KIAA1217: variants seen among roughly 807,000 people sequenced by gnomAD.
KIAA1217 encodes sickle tail protein homolog.
A neutral mutation model predicts 163.9 loss-of-function variants in KIAA1217; 88 were observed. That is an observed-to-expected ratio of 0.54 (90% CI 0.45 to 0.64). The LOEUF (loss-of-function observed/expected upper bound fraction) is 0.64. KIAA1217 is among the 30% of genes least tolerant of loss of function. The pLI, the probability that KIAA1217 is intolerant of heterozygous loss-of-function variation, is 0.00. For synonymous variants in KIAA1217, 903 were observed against 923.1 expected (o/e 0.98, Z 0.39); for missense variants, 2,372 against 2,475.0 (o/e 0.96, Z 0.88).
intron 1 of KIAA1217, among the ~76,000 whole-genome samples, chr10:23,883,382 A>G (rs762109632): frequency 1.3e-5 from 2 of 151,968 alleles, no homozygotes; most frequent in African/African-American, 2.4e-5. Flanking sequence ...CTTGCTTAAA[A>G]AAAGGAAATG....
At chr10:23,956,309 A>G (rs1844554814) in intron 1 of KIAA1217, among the ~76,000 whole-genome samples, 1 of 152,202 alleles carries the variant, frequency 6.6e-6, no homozygotes, top group Non-Finnish European at 1.5e-5. Flanking sequence ...CAGTACACAC[A>G]CATTCACACA....
At chr10:23,999,697 G>A (rs1438573523) in intron 1 of KIAA1217, among the ~76,000 whole-genome samples, 5 of 152,112 alleles carry the variant, frequency 3.3e-5, no homozygotes, top group South Asian at 2.1e-4. Context: ...GGACTCTCCC[G>A]CAATATTCAG....
chr10:23,970,159 T>C (rs1845254821), intron 1 of KIAA1217, among the ~76,000 whole-genome samples: 1 of 152,124 alleles, frequency 6.6e-6, no homozygotes, highest in Admixed American at 6.6e-5. Flanking sequence ...ATTAATTGAT[T>C]TTTTTCTTTT....
chr10:24,052,741 T>C (rs541354183), intron 2 of KIAA1217, among the ~76,000 whole-genome samples: 60 of 152,286 alleles, frequency 3.9e-4, no homozygotes, highest in African/African-American at 1.3e-3. Flanking sequence ...ACCTTTTTAT[T>C]TGGGGCTATG....
intron 2 of KIAA1217, among the ~76,000 whole-genome samples, chr10:24,229,977 AC>A (rs1240392930): frequency 6.6e-6 from 1 of 152,114 alleles, no homozygotes; most frequent in Non-Finnish European, 1.5e-5. Context: ...TTCCTCAAAA[AC>A]GTATAGAAAT....
chr10:24,247,002 G>A (rs1036944793), intron 2 of KIAA1217, among the ~76,000 whole-genome samples: 1 of 147,280 alleles, frequency 6.8e-6, no homozygotes, highest in Non-Finnish European at 1.5e-5. Context: ...GACAGAGCAA[G>A]GCTCTGTCTC....
chr10:24,043,563 C>T (rs1303426937), intron 2 of KIAA1217, among the ~76,000 whole-genome samples: 6 of 152,066 alleles, frequency 3.9e-5, no homozygotes, highest in Non-Finnish European at 8.8e-5. Flanking sequence ...GACCAAAATG[C>T]TTCATAAAAG....
intron 3 of KIAA1217, among the ~76,000 whole-genome samples, chr10:24,386,160 G>A (rs757875778): frequency 2.6e-5 from 4 of 152,260 alleles, no homozygotes; most frequent in Non-Finnish European, 4.4e-5. Context: ...TGACCAGCCC[G>A]GCAGCCAGAG....
At chr10:23,896,123 C>T (rs2131229168) in intron 1 of KIAA1217, among the ~76,000 whole-genome samples, 1 of 151,340 alleles carries the variant, frequency 6.6e-6, no homozygotes, top group South Asian at 2.1e-4. Context: ...GCCCATGTAC[C>T]CTAAAACTTA....
intron 3 of KIAA1217, among the ~76,000 whole-genome samples, chr10:24,386,999 C>G (rs2054100833): frequency 6.6e-6 from 1 of 152,114 alleles, no homozygotes; most frequent in East Asian, 1.9e-4. Flanking sequence ...ACTGTAAAAA[C>G]AAAAATTCGC....
rs191276722 is a variant in KIAA1217 at position 23,788,065 on chromosome 10, G to A, written c.-321+92831G>A. 3.0e-3 allele frequency among the ~76,000 whole-genome samples: 451 copies of A among 152,146 alleles called. 3 individuals carry two copies. Among genetic ancestry groups the A allele is most frequent in the African/African-American group, 0.011 (436 of 41,508 alleles). ...ATGAAAAAATTAGCCAGGCACAGTG[G>A]CACACACCTGTAGTCCCAGCTACTT... On this transcript the variant is annotated intron_variant, in intron 1 of 18. Transcript: ENST00000376462.
chr10:24,445,051 G>C (rs1486345826), intron 5 of KIAA1217, among the ~76,000 whole-genome samples: 1 of 152,154 alleles, frequency 6.6e-6, no homozygotes, highest in East Asian at 1.9e-4. Flanking sequence ...CGTTGTTCTA[G>C]ATAGAAGATA....
chr10:23,711,204 C>A (rs943726943), intron 1 of KIAA1217, among the ~76,000 whole-genome samples: 2 of 152,100 alleles, frequency 1.3e-5, no homozygotes, highest in Non-Finnish European at 2.9e-5. Context: ...TCCCTTAACC[C>A]CAGAAGATGT....
At chr10:23,881,012 T>C (rs1447442279) in intron 1 of KIAA1217, among the ~76,000 whole-genome samples, 2 of 151,738 alleles carry the variant, frequency 1.3e-5, no homozygotes, top group Non-Finnish European at 2.9e-5. Flanking sequence ...ATGGTGTGAT[T>C]ATAATGATGA....
chr10:23,822,907 C>T (rs1010276114), intron 1 of KIAA1217, among the ~76,000 whole-genome samples: 1 of 152,132 alleles, frequency 6.6e-6, no homozygotes, highest in African/African-American at 2.4e-5. Context: ...AGCACATATA[C>T]CATATGTCTA....
intron 9 of KIAA1217, among the ~76,000 whole-genome samples, chr10:24,508,447 ACT>A (rs1379463767): frequency 6.6e-6 from 1 of 152,312 alleles, no homozygotes; most frequent in African/African-American, 2.4e-5. Context: ...CAAGAAACCT[ACT>A]CTGACATCTG....
At chr10:23,699,808 A>G (rs1216229473) in intron 1 of KIAA1217, among the ~76,000 whole-genome samples, 2 of 151,978 alleles carry the variant, frequency 1.3e-5, no homozygotes, top group Non-Finnish European at 2.9e-5. Context: ...CTTTATTAAT[A>G]ATTTTTTATT....
At chr10:23,995,323 C>G (rs1846421403) in intron 1 of KIAA1217, among the ~76,000 whole-genome samples, 1 of 152,126 alleles carries the variant, frequency 6.6e-6, no homozygotes, top group Non-Finnish European at 1.5e-5. Context: ...AAAAGAAACA[C>G]AATAGAATCC....
intron 1 of KIAA1217, among the ~76,000 whole-genome samples, chr10:23,770,679 A>C (rs554785537): frequency 6.6e-6 from 1 of 152,154 alleles, no homozygotes; most frequent in Non-Finnish European, 1.5e-5. Flanking sequence ...CACTGAGTCA[A>C]TGTAGGTTTT....
Sources: gnomAD v4.1 joint callset for allele counts (sites outside exome capture counted in the v4.1 genomes callset) on GRCh38, gnomAD v4.1.1 for gene constraint, MANE v1.5 for transcripts, NCBI Gene and HGNC (gene_info 2026-07-23, HGNC 2026-07-21) for gene names.